The following MZT1 variants were observed in gnomAD, a reference collection of about 807,000 sequenced individuals.
MZT1 encodes mitotic-spindle organizing protein 1.
In MZT1, 8 loss-of-function variants were observed where a neutral mutation model predicts 8.5. The observed-to-expected ratio is 0.94, with a 90% confidence interval of 0.55 to 1.70. The LOEUF (loss-of-function observed/expected upper bound fraction) is 1.70, where lower values mean the gene tolerates loss of function less well. Among genes scored for constraint, MZT1 ranks in the 40% most tolerant of loss-of-function variants. MZT1 has a pLI of 0.00. For missense variants in MZT1, 93 were observed against 108.6 expected (o/e 0.86, Z 0.64); for synonymous variants, 38 against 42.0 (o/e 0.90, Z 0.37).
chr13:72,719,242 C>T (rs916785513), intron 1 of MZT1, 145 bp from the exon 2 acceptor site: 4 of 558,222 alleles, frequency 7.2e-6, no homozygotes, highest in Non-Finnish European at 1.1e-5. Context: ...GCATGTAATA[C>T]TTTCTTGCCT....
chr13:72,717,497 G>A (rs1415947214), intron 2 of MZT1, among the ~76,000 whole-genome samples: 8 of 151,854 alleles, frequency 5.3e-5, no homozygotes, highest in Admixed American at 1.3e-4. Flanking sequence ...GTGCCACCAC[G>A]CCTGGCTAAT....
chr13:72,724,350 T>A (rs1473977115), intron 1 of MZT1, among the ~76,000 whole-genome samples: 1 of 151,904 alleles, frequency 6.6e-6, no homozygotes, highest in African/African-American at 2.4e-5. Flanking sequence ...GAGTCAAGAA[T>A]TGAAAGGGCT....
rs2032601346 is a variant in MZT1, at chr13:72,722,516, C to CT, written c.80-3420dup. On this transcript the variant is annotated intron_variant, in intron 1 of 2. Transcript: ENST00000377818. ...TTGTCATTCTTGGCTGAAAACTCAT[C>CT]TTCCATAGATTTATTTTAGGTGTCC... Among the ~76,000 whole-genome samples, 3 of 152,300 alleles carry CT rather than the reference C, an allele frequency of 2.0e-5. No individual in the cohort carries two copies. In the South Asian group the frequency reaches 6.2e-4, roughly 32 times the overall value.
intron 2 of MZT1, among the ~76,000 whole-genome samples, chr13:72,717,916 C>T (rs893294009): frequency 9.2e-5 from 14 of 152,154 alleles, no homozygotes; most frequent in Non-Finnish European, 1.6e-4. Flanking sequence ...TAAAACTTTC[C>T]AGTCTCTATC....
Position 72,727,518 on chromosome 13 carries a change from A to G in MZT1, c.79+6T>C. The G allele has an allele frequency of 6.2e-7, 1 of 1,613,456 alleles. No homozygotes were observed. On this transcript the variant is annotated splice_donor_region_variant and intron_variant, in intron 1 of 2. Coordinates refer to ENST00000377818, the MANE Select transcript of MZT1 (RefSeq NM_001071775.3). ...GCAAGGTAAAGGGAGCGCAACGGAA[A>G]CTCACCGTCCATGGTCTCCCGCACC...
chr13:72,711,213 A>C (rs536200512), intron 2 of MZT1, among the ~76,000 whole-genome samples: 187 of 152,316 alleles, frequency 1.2e-3, no homozygotes, highest in African/African-American at 4.3e-3. Context: ...CAATATGTAG[A>C]TGACTGCTTA....
At chr13:72,726,953 A>T (rs2032671376) in intron 1 of MZT1, among the ~76,000 whole-genome samples, 1 of 152,238 alleles carries the variant, frequency 6.6e-6, no homozygotes, top group Non-Finnish European at 1.5e-5. Flanking sequence ...GCACTTGGGC[A>T]CTGGTGTCAC....
intron 2 of MZT1, among the ~76,000 whole-genome samples, chr13:72,713,845 A>G (rs1456953819): frequency 6.6e-6 from 1 of 152,260 alleles, no homozygotes; most frequent in Non-Finnish European, 1.5e-5. Flanking sequence ...AAACTGTAGT[A>G]GTTATCACTG....
intron 1 of MZT1, among the ~76,000 whole-genome samples, chr13:72,726,744 G>A (rs367641894): frequency 7.4e-3 from 976 of 131,434 alleles, no homozygotes; most frequent in East Asian, 9.9e-3. Context: ...TTATTTTACA[G>A]AAAAAAAAAA....
Position 72,710,209 on chromosome 13 carries a change from A to C in MZT1, c.*113T>G. 1 of 1,114,716 alleles carries C rather than the reference A, an allele frequency of 9.0e-7. No homozygotes were observed. Among genetic ancestry groups the C allele is most frequent in the African/African-American group, 1.6e-5 (1 of 63,440 alleles). 69.1% of individuals were successfully genotyped at this position (1,114,716 alleles called of 1,614,324 possible). On this transcript the variant is annotated 3_prime_UTR_variant, in exon 3 of 3. Transcript: ENST00000377818. ...GGTTTTATAATTCTTTTAAAAAGTA[A>C]AATTTTTCTACACTGCTGCATGCAG...
chr13:72,712,707 G>A (rs539716986), intron 2 of MZT1, among the ~76,000 whole-genome samples: 17 of 152,106 alleles, frequency 1.1e-4, no homozygotes, highest in Non-Finnish European at 2.5e-4. Context: ...TCCTAATATC[G>A]TAGCTTATAT....
chr13:72,720,720 C>T (rs9318118), intron 1 of MZT1, among the ~76,000 whole-genome samples: 134,170 of 152,068 alleles, frequency 0.88, 61,218 homozygotes, highest in Non-Finnish European at 0.99. Context: ...GAAACCCCGT[C>T]TCTACTAAAA....
At chr13:72,726,152 G>C (rs1482463352) in intron 1 of MZT1, among the ~76,000 whole-genome samples, 1 of 151,144 alleles carries the variant, frequency 6.6e-6, no homozygotes, top group Non-Finnish European at 1.5e-5. Flanking sequence ...AAATGAGGCC[G>C]GGCATGGTGG....
At chr13:72,723,994 A>G (rs1439989229) in intron 1 of MZT1, among the ~76,000 whole-genome samples, 2 of 152,230 alleles carry the variant, frequency 1.3e-5, no homozygotes, top group African/African-American at 4.8e-5. Context: ...AACCAGACTA[A>G]TACAGAGGCA....
intron 2 of MZT1, among the ~76,000 whole-genome samples, chr13:72,712,277 G>A (rs1419337307): frequency 6.6e-6 from 1 of 152,112 alleles, no homozygotes; most frequent in Non-Finnish European, 1.5e-5. Context: ...CCATCCTCCT[G>A]AATAACCAGA....
At chr13:72,724,752 A>ATGTGTGTGTGTGTGTGTGTGTG (rs1555270950) in intron 1 of MZT1, among the ~76,000 whole-genome samples, 1 of 56,856 alleles carries the variant, frequency 1.8e-5, no homozygotes, top group African/African-American at 5.0e-5. Context: ...ACATATATAT[A>ATGTGTGTGTGTGTGTGTGTGTG]TGTAAAGTGG....
chr13:72,716,103 G>C (rs1195402164), intron 2 of MZT1, among the ~76,000 whole-genome samples: 1 of 151,988 alleles, frequency 6.6e-6, no homozygotes, highest in African/African-American at 2.4e-5. Flanking sequence ...TTTTAGTAGA[G>C]ATGGGTTTCA....
chr13:72,716,339 G>T (rs980728352), intron 2 of MZT1, among the ~76,000 whole-genome samples: 1 of 152,066 alleles, frequency 6.6e-6, no homozygotes, highest in Admixed American at 6.6e-5. Context: ...GCAGAAGGGG[G>T]ATTATCTGGT....
At chr13:72,726,643 A>C (rs1188371495) in intron 1 of MZT1, among the ~76,000 whole-genome samples, 1 of 151,818 alleles carries the variant, frequency 6.6e-6, no homozygotes, top group African/African-American at 2.4e-5. Flanking sequence ...GAGAGAGGCC[A>C]TCTGAAATAA....
Sources: gnomAD v4.1 joint callset for allele counts (sites outside exome capture counted in the v4.1 genomes callset) on GRCh38, gnomAD v4.1.1 for gene constraint, MANE v1.5 for transcripts, NCBI Gene and HGNC (gene_info 2026-07-23, HGNC 2026-07-21) for gene names.